Variants in TMEM163 observed in about 807,000 individuals in gnomAD.
TMEM163 encodes transmembrane protein 163.
A neutral mutation model predicts 29.3 loss-of-function variants in TMEM163; 17 were observed. The ratio of observed to expected loss-of-function variants is 0.58; its 90% CI spans 0.40 to 0.87. The LOEUF is 0.87. TMEM163 is among the 40% of genes least tolerant of loss of function. TMEM163 has a pLI of 0.00. For synonymous variants in TMEM163, 157 were observed against 160.6 expected (o/e 0.98, Z 0.17); for missense variants, 303 against 381.5 (o/e 0.79, Z 1.71).
chr2:134,659,523 C>T lies in TMEM163; in HGVS notation c.322+53677G>A, dbSNP rs114904367. ...ATGGCAGGGACCTCCTTGCTCCTCACTGGGATGTACCATCTCCTGCTGGCA... is the reference window on the plus strand; with the variant it reads ...ATGGCAGGGACCTCCTTGCTCCTCATTGGGATGTACCATCTCCTGCTGGCA... On this transcript the variant is annotated intron_variant, in intron 2 of 7. Transcript: ENST00000281924. Among the ~76,000 whole-genome samples, 272 of 152,298 alleles carry T rather than the reference C, an allele frequency of 1.8e-3. 3 individuals carry two copies. Among genetic ancestry groups the T allele is most frequent in the African/African-American group, 6.1e-3 (252 of 41,562 alleles).
chr2:134,550,371 G>A (rs1680886454), intron 4 of TMEM163, among the ~76,000 whole-genome samples, 199 bp downstream of exon 4: 1 of 152,076 alleles, frequency 6.6e-6, no homozygotes, highest in Admixed American at 6.6e-5. Context: ...AATTATAAAG[G>A]TACATCCTCT....
At chr2:134,539,201 A>C (rs1333406301) in intron 4 of TMEM163, among the ~76,000 whole-genome samples, 2 of 152,170 alleles carry the variant, frequency 1.3e-5, no homozygotes, top group Non-Finnish European at 2.9e-5. Context: ...CCTCCTATTT[A>C]GTGATAGGAA....
intron 2 of TMEM163, among the ~76,000 whole-genome samples, chr2:134,700,949 A>AATAAATACATAAATACATAAATAC (rs1553495693): frequency 2.2e-5 from 3 of 136,770 alleles, no homozygotes; most frequent in African/African-American, 6.0e-5. Flanking sequence ...TAAATAAATA[A>AATAAATACATAAATACATAAATAC]AGTAAAAAAT....
At chr2:134,697,600 G>C (rs1003586002) in intron 2 of TMEM163, among the ~76,000 whole-genome samples, 3 of 151,842 alleles carry the variant, frequency 2.0e-5, no homozygotes, top group Admixed American at 2.0e-4. Context: ...AAGTAGCTGG[G>C]ATTACAGGTG....
chr2:134,684,410 G>A (rs142709173), intron 2 of TMEM163, among the ~76,000 whole-genome samples: 54 of 152,224 alleles, frequency 3.5e-4, no homozygotes, highest in Admixed American at 9.2e-4. Flanking sequence ...ATAATTCTGC[G>A]AGCATGAGTG....
intron 4 of TMEM163, among the ~76,000 whole-genome samples, chr2:134,548,288 AT>A (rs200213621): frequency 0.011 from 1,664 of 152,334 alleles, 30 homozygotes; most frequent in African/African-American, 0.037. Flanking sequence ...TGTAATGAAC[AT>A]TTTTTTAACT....
At chr2:134,592,768 T>C (rs1484072458) in intron 2 of TMEM163, among the ~76,000 whole-genome samples, 1 of 152,018 alleles carries the variant, frequency 6.6e-6, no homozygotes, top group Non-Finnish European at 1.5e-5. Context: ...TATATACACA[T>C]GTATATAGAG....
rs951745693 is a variant in TMEM163 at position 134,460,281 on chromosome 2, C to T, written c.668-2108G>A. ...ACACAACCCTGCAACAGCCATCCTGCCCTCCCCTCAGGGCCACTGGGCTTG... is the reference window on the plus strand; with the variant it reads ...ACACAACCCTGCAACAGCCATCCTGTCCTCCCCTCAGGGCCACTGGGCTTG... On this transcript the variant is annotated intron_variant, in intron 6 of 7. Coordinates refer to ENST00000281924, the MANE Select transcript of TMEM163 (RefSeq NM_030923.5). This position sits in a 1 kb window ranked among gnomAD's most constrained non-coding sequence, Gnocchi z 4.3. 6.6e-6 allele frequency among the ~76,000 whole-genome samples: 1 copy of T among 152,024 alleles called. No homozygotes were observed. The highest frequency in any genetic ancestry group is 1.5e-5 in the Non-Finnish European group (1 of 68,008).
intron 2 of TMEM163, among the ~76,000 whole-genome samples, chr2:134,690,019 C>T (rs1178022406): frequency 1.3e-5 from 2 of 151,096 alleles, no homozygotes; most frequent in East Asian, 3.9e-4. Context: ...CAATTTCCAC[C>T]TCCTAGGTTC....
intron 2 of TMEM163, among the ~76,000 whole-genome samples, chr2:134,662,328 A>G (rs1243130264): frequency 1.3e-5 from 2 of 152,178 alleles, no homozygotes; most frequent in African/African-American, 4.8e-5. Context: ...TGATGTTTTG[A>G]ACTGGGTAAA....
chr2:134,710,202 C>T (rs987349414), intron 2 of TMEM163, among the ~76,000 whole-genome samples: 22 of 152,176 alleles, frequency 1.4e-4, no homozygotes, highest in African/African-American at 4.8e-4. Flanking sequence ...TTAACCTTGG[C>T]AAAATAAACT....
chr2:134,535,097 G>A (rs564662031), intron 4 of TMEM163, among the ~76,000 whole-genome samples: 1 of 152,252 alleles, frequency 6.6e-6, no homozygotes, highest in African/African-American at 2.4e-5. Context: ...TCATATTCTG[G>A]AAGAATTACA....
chr2:134,612,907 C>T (rs1403380636), intron 2 of TMEM163, among the ~76,000 whole-genome samples: 2 of 152,092 alleles, frequency 1.3e-5, no homozygotes, highest in African/African-American at 4.8e-5. Flanking sequence ...AGGGAGACAG[C>T]AGTTAATAAA....
At chr2:134,713,006 A>G (rs1340717695) in intron 2 of TMEM163, among the ~76,000 whole-genome samples, 194 bp downstream of exon 2, 1 of 152,096 alleles carries the variant, frequency 6.6e-6, no homozygotes, top group Non-Finnish European at 1.5e-5. Context: ...TCTCCACCTC[A>G]TCTTCTTACC....
At chr2:134,535,039 CACT>C (rs1291888040) in intron 4 of TMEM163, among the ~76,000 whole-genome samples, 1 of 152,112 alleles carries the variant, frequency 6.6e-6, no homozygotes, top group Non-Finnish European at 1.5e-5. Flanking sequence ...CACCTCACAC[CACT>C]ACTATTTTGG....
At chr2:134,583,741 A>G (rs946032186) in intron 2 of TMEM163, among the ~76,000 whole-genome samples, 2 of 151,734 alleles carry the variant, frequency 1.3e-5, no homozygotes, top group Non-Finnish European at 2.9e-5. Flanking sequence ...CCCCTCCCCT[A>G]CATCTGCTCC....
At chr2:134,609,403 C>T (rs1173586809) in intron 2 of TMEM163, among the ~76,000 whole-genome samples, 1 of 67,368 alleles carries the variant, frequency 1.5e-5, no homozygotes, top group African/African-American at 6.4e-5. Context: ...GAGAACTGTA[C>T]TGGTGAAAAG....
chr2:134,472,289 C>G (rs1040526935), intron 5 of TMEM163, among the ~76,000 whole-genome samples: 2 of 152,004 alleles, frequency 1.3e-5, no homozygotes, highest in Non-Finnish European at 2.9e-5. Flanking sequence ...ATAGAAAGGG[C>G]TCATGGAAAT....
intron 2 of TMEM163, among the ~76,000 whole-genome samples, chr2:134,653,677 G>A: frequency 1.3e-5 from 1 of 75,348 alleles, no homozygotes; most frequent in Admixed American, 1.2e-4. Flanking sequence ...TTCTCTTGTG[G>A]GCATTTAGTG....
Sources: allele counts gnomAD v4.1 joint callset (sites outside exome capture counted in the v4.1 genomes callset), GRCh38; gene constraint gnomAD v4.1.1; non-coding constraint Gnocchi (gnomAD v3.1); transcripts MANE v1.5; gene names NCBI Gene and HGNC (gene_info 2026-07-23, HGNC 2026-07-21).